The following C5 variants were observed in gnomAD, a reference collection of about 807,000 sequenced individuals.
C5 encodes complement C5.
C5 carries 140 observed loss-of-function variants against 218.8 expected under a neutral mutation model. That is an observed-to-expected ratio of 0.64 (90% CI 0.56 to 0.74). C5 has a LOEUF of 0.74. Among genes scored for constraint, C5 ranks in the 30% least tolerant of loss-of-function variants. The pLI, the probability that C5 is intolerant of heterozygous loss-of-function variation, is 0.00. For missense variants in C5, 1,700 were observed against 1,969.6 expected, an observed-to-expected ratio of 0.86 and a Z score of 2.59; for synonymous variants, 614 against 682.3, an observed-to-expected ratio of 0.90 and a Z score of 1.56.
In C5 at chr9:121,020,089, G is replaced by A. The variant is rs1305803467; in HGVS notation, c.1393C>T (p.Leu465Phe). Residue 465 changes from leucine (L) to phenylalanine (F), a missense_variant, in exon 12 of 41, where the codon CTT becomes TTT. Transcript: ENST00000223642. Reference sequence around the variant, plus strand: ...TGGTTATCAGTCCAATCAATATAAAGGTAACTTTGGCTGAGAGATGAGTAT... The same window carrying A: ...TGGTTATCAGTCCAATCAATATAAAAGTAACTTTGGCTGAGAGATGAGTAT... ...IAYSSLSQSY[L>F]YIDWTDNHKA... 1 of 1,613,456 alleles carries A rather than the reference G, an allele frequency of 6.2e-7. No homozygotes were observed. The highest frequency in any genetic ancestry group is 1.7e-5 in the Admixed American group (1 of 60,010).
the C5 span, among the ~76,000 whole-genome samples, chr9:121,059,072 A>C: frequency 6.6e-6 from 1 of 152,348 alleles, no homozygotes; most frequent in Non-Finnish European, 1.5e-5. The surrounding 1 kb of genome is among the most constrained non-coding windows in gnomAD (Gnocchi z 4.1). Flanking sequence ...ACCGTGGATA[A>C]ATTTGTATTT....
chr9:121,070,333 G>A, the C5 span, among the ~76,000 whole-genome samples: 1 of 139,516 alleles, frequency 7.2e-6, no homozygotes, highest in Admixed American at 7.4e-5. Context: ...CTGCAGCCTG[G>A]GCAACAAGAA....
intron 17 of C5, among the ~76,000 whole-genome samples, chr9:121,010,632 A>C (rs1413226188): frequency 1.3e-5 from 2 of 152,156 alleles, no homozygotes; most frequent in Non-Finnish European, 2.9e-5. Context: ...AATAGAAAAA[A>C]AATCCTAAAA....
Position 121,050,216 on chromosome 9 carries a change from TTA to T in C5, c.29_30del (p.Leu10TyrfsTer27). 2 of 1,613,956 alleles carry T rather than the reference TTA, an allele frequency of 1.2e-6. No individual in the cohort carries two copies. The highest frequency in any genetic ancestry group is 1.7e-6 in the Non-Finnish European group (2 of 1,179,882). On this transcript the variant is annotated frameshift_variant, in exon 1 of 41. Transcript: ENST00000223642. LOFTEE classifies it high-confidence loss of function. MGLLGILCF[L>X]IFLGKTWGQE... ...TGTCCCCAGGTTTTCCCCAGGAAGA[TTA>T]AAAAACAAAGTATTCCCAAAAGGCC... is the stretch of plus-strand genomic sequence containing the variant.
chr9:121,029,924 C>T (rs2047459454), intron 7 of C5, among the ~76,000 whole-genome samples: 2 of 152,208 alleles, frequency 1.3e-5, no homozygotes, highest in African/African-American at 4.8e-5. Flanking sequence ...AGCTGACCTA[C>T]CAACTGGCTG....
chr9:121,047,461 G>A (rs146135403), intron 1 of C5, among the ~76,000 whole-genome samples: 1 of 152,198 alleles, frequency 6.6e-6, no homozygotes, highest in East Asian at 1.9e-4. Context: ...TATCACAAGA[G>A]TATCTAATTT....
chr9:121,056,299 T>C, the C5 span, among the ~76,000 whole-genome samples: 4 of 152,354 alleles, frequency 2.6e-5, no homozygotes, highest in South Asian at 6.2e-4. Flanking sequence ...TGAAGATATA[T>C]GACTAATCAG....
intron 20 of C5, among the ~76,000 whole-genome samples, chr9:121,003,876 A>AT (rs532007269): frequency 3.3e-5 from 5 of 150,386 alleles, no homozygotes; most frequent in Admixed American, 6.6e-5. Flanking sequence ...TGAGAAGATA[A>AT]TTTTTTTTTT....
In C5 at chr9:121,021,272, C is replaced by T. The variant is rs115971409; in HGVS notation, c.1302+237G>A. Among the ~76,000 whole-genome samples, 266 of 152,210 alleles carry T rather than the reference C, an allele frequency of 1.7e-3. 1 individual carries two copies. Among genetic ancestry groups the T allele is most frequent in the African/African-American group, 5.6e-3 (232 of 41,538 alleles). On this transcript the variant is annotated intron_variant, in intron 11 of 40. Transcript: ENST00000223642. ...CTTCTAGAGTCTGATATGGTCTTAA[C>T]GGTGTAAGATAAAACAATTAACTCC...
At chr9:121,065,621 G>A in the C5 span, among the ~76,000 whole-genome samples, 3 of 152,218 alleles carry the variant, frequency 2.0e-5, no homozygotes, top group Non-Finnish European at 2.9e-5. Context: ...GAGTAACTGG[G>A]ACCACAGGCA....
chr9:121,035,232 T>G (rs1469923075), intron 4 of C5, among the ~76,000 whole-genome samples: 1 of 152,244 alleles, frequency 6.6e-6, no homozygotes, highest in African/African-American at 2.4e-5. Flanking sequence ...ATGTTTTTGA[T>G]AAACTAAATG....
intron 2 of C5, among the ~76,000 whole-genome samples, chr9:121,045,722 A>G (rs1397295990): frequency 2.0e-5 from 3 of 152,130 alleles, no homozygotes; most frequent in Non-Finnish European, 4.4e-5. Context: ...CAGGTTGTCA[A>G]TGAGAGCTAT....
At chr9:121,063,751 G>C in the C5 span, among the ~76,000 whole-genome samples, 1 of 152,138 alleles carries the variant, frequency 6.6e-6, no homozygotes, top group Non-Finnish European at 1.5e-5. Flanking sequence ...ATTGTTTGCA[G>C]CAATATCCAG....
At chr9:120,992,338 T>C (rs558750556) in intron 22 of C5, among the ~76,000 whole-genome samples, 1 of 152,214 alleles carries the variant, frequency 6.6e-6, no homozygotes, top group Non-Finnish European at 1.5e-5. Context: ...TGAAAGAGCA[T>C]GAAGTTCAAA....
intron 26 of C5, 128 bp from the exon 27 acceptor site, chr9:120,982,067 A>G: frequency 1.4e-6 from 1 of 717,262 alleles, no homozygotes; most frequent in Non-Finnish European, 2.5e-6. Flanking sequence ...GCTGGAGTGC[A>G]ATGGCTTGAT....
At chr9:121,029,025 T>C (rs1426388092) in intron 7 of C5, among the ~76,000 whole-genome samples, 2 of 152,192 alleles carry the variant, frequency 1.3e-5, no homozygotes, top group Non-Finnish European at 2.9e-5. Flanking sequence ...CTGTTTTCTT[T>C]TATGTTTTTA....
In C5 at chr9:121,016,246, C is replaced by A. The variant is rs1473168281; in HGVS notation, c.1996+8G>T. On this transcript the variant is annotated splice_region_variant and intron_variant, in intron 15 of 40. Coordinates refer to ENST00000223642, the MANE Select transcript of C5 (RefSeq NM_001735.3). ...GATTTTCAGTAATAAACATGCTGAGCATTTTACCATTTTCTTGGGAGTCAT... is the reference window on the plus strand; with the variant it reads ...GATTTTCAGTAATAAACATGCTGAGAATTTTACCATTTTCTTGGGAGTCAT... 3 of 1,613,886 alleles carry A rather than the reference C, an allele frequency of 1.9e-6. No homozygotes were observed. The highest frequency in any genetic ancestry group is 2.5e-6 in the Non-Finnish European group (3 of 1,179,826).
At chr9:120,997,505 G>T in intron 21 of C5, 42 bp downstream of exon 21, 3 of 1,369,356 alleles carry the variant, frequency 2.2e-6, no homozygotes, top group Non-Finnish European at 3.1e-6. Flanking sequence ...TCTCTCTTTT[G>T]CAATAATTTA....
chr9:120,961,777 G>A (rs1040423126), intron 36 of C5, among the ~76,000 whole-genome samples: 6 of 152,094 alleles, frequency 3.9e-5, no homozygotes, highest in Non-Finnish European at 7.4e-5. Flanking sequence ...ACTTAGTTCT[G>A]TGCTTGAAAC....
Sources: allele counts gnomAD v4.1 joint callset (sites outside exome capture counted in the v4.1 genomes callset), GRCh38; gene constraint gnomAD v4.1.1; non-coding constraint Gnocchi (gnomAD v3.1); transcripts MANE v1.5; gene names NCBI Gene and HGNC (gene_info 2026-07-23, HGNC 2026-07-21).